The following NACA variants were observed in gnomAD, a reference collection of about 807,000 sequenced individuals.
The protein encoded by NACA is nascent polypeptide-associated complex subunit alpha.
NACA carries 42 observed loss-of-function variants against 86.4 expected under a neutral mutation model. The ratio of observed to expected loss-of-function variants is 0.49; its 90% CI spans 0.38 to 0.63. NACA has a LOEUF of 0.63. Ranked by LOEUF, NACA falls within the 20% of genes least tolerant of loss-of-function variation. The pLI, the probability that NACA is intolerant of heterozygous loss-of-function variation, is 0.00. For missense variants in NACA, 2,157 were observed against 2,483.6 expected (o/e 0.87, Z 2.80); for synonymous variants, 898 against 973.7 (o/e 0.92, Z 1.45).
chr12:56,720,322 G>A lies in NACA; in HGVS notation c.1208C>T (p.Thr403Ile), dbSNP rs1280961384. ...CSPSGSLNVA[T>I]SFSLSPTTSL... Reference sequence around the variant, plus strand: ...GGTTGTAGGAGATAATGAAAAAGAGGTAGCTACATTTAAGGAGCCAGAAGG... The same window carrying A: ...GGTTGTAGGAGATAATGAAAAAGAGATAGCTACATTTAAGGAGCCAGAAGG... The change falls in exon 3 of 9, where the codon ACC becomes ATC. Residue 403 changes from threonine (T) to isoleucine (I), a missense_variant. This residue lies in a region of NACA where 947 missense variants were observed against 917.9 expected (regional missense o/e 1.03). Coordinates refer to ENST00000454682, the MANE Select transcript of NACA (RefSeq NM_001365896.1). 5 of 1,613,744 alleles carry A rather than the reference G, an allele frequency of 3.1e-6. No homozygotes were observed. The highest frequency in any genetic ancestry group is 1.1e-5 in the South Asian group (1 of 91,078).
In NACA at chr12:56,720,706, G is replaced by A; in HGVS notation, c.824C>T (p.Ala275Val). Reference protein sequence around the residue: ...SLKGPVSPPAALSLSTQSLPV... With the variant: ...SLKGPVSPPAVLSLSTQSLPV... The stretch of plus-strand genomic sequence containing the variant: ...AAGAGACTGAGTTGAAAGAGATAAG[G>A]CAGCAGGTGGACTAACAGGCCCCTT... Residue 275 changes from alanine (A) to valine (V), a missense_variant, in exon 3 of 9, where the codon GCC becomes GTC. Ala to Val is a moderately conservative substitution (Grantham distance 64). Around this residue, in one of 8 missense-constraint regions of NACA, gnomAD observed 947 missense variants for 917.9 expected, o/e 1.03. Transcript: ENST00000454682. 6.2e-7 allele frequency: 1 copy of A among 1,613,966 alleles called. No homozygotes were observed. The highest frequency in any genetic ancestry group is 1.1e-5 in the South Asian group (1 of 91,082).
At chr12:56,722,465 G>A (rs3782232) in intron 2 of NACA, among the ~76,000 whole-genome samples, 9,322 of 152,246 alleles carry the variant, frequency 0.061, 340 homozygotes, top group East Asian at 0.12. Context: ...CTGGGAGGGC[G>A]GATCACGAGG....
chr12:56,714,093 T>C (rs1592309444), intron 5 of NACA: 1 of 443,230 alleles, frequency 2.3e-6, no homozygotes, highest in Non-Finnish European at 4.1e-6. Context: ...GTGATCCATC[T>C]GCCTTGGCCT....
rs368371411 is a variant in NACA at position 56,717,189 on chromosome 12, T to C, written c.4341A>G (p.Pro1447=). 1 of 1,287,438 alleles carries C rather than the reference T, an allele frequency of 7.8e-7. No individual in the cohort carries two copies. Among genetic ancestry groups the C allele is most frequent in the Non-Finnish European group, 1.0e-6 (1 of 996,450 alleles). 79.8% of individuals were successfully genotyped at this position (1,287,438 alleles called of 1,614,324 possible). The change falls in exon 3 of 9, where the codon CCA becomes CCG. Residue 1447 remains proline (P), a synonymous_variant. Transcript: ENST00000454682. ...AVTPVSLKKA[P]ATSAPKGGPA... ...GGCCTCCTTTGGGGGCTGAAGTTGC[T>C]GGGGCCTTTTTGAGGGAGACAGGAG...
Position 56,715,940 on chromosome 12 carries a change from T to A in NACA, c.5590A>T (p.Thr1864Ser). 1 of 1,530,628 alleles carries A rather than the reference T, an allele frequency of 6.5e-7. No individual in the cohort carries two copies. Among genetic ancestry groups the A allele is most frequent in the Non-Finnish European group, 8.8e-7 (1 of 1,138,584 alleles). 94.8% of individuals were successfully genotyped at this position (1,530,628 alleles called of 1,614,324 possible). A position where few individuals can be genotyped will look rare whatever the true frequency, so the allele number is the denominator to read the frequency against. The change falls in exon 3 of 9, where the codon ACC becomes TCC. Residue 1864 changes from threonine (T) to serine (S), a missense_variant. Coordinates refer to ENST00000454682, the MANE Select transcript of NACA (RefSeq NM_001365896.1). ...PFQSVLVNMP[T>S]PKSAGIPVPT... ...ACAGGGATTCCAGCAGATTTAGGGG[T>A]GGGCATGTTGACGAGGACCGACTGG...
In NACA at chr12:56,721,631, CCAAA is replaced by C. The variant is rs201268044; in HGVS notation, c.71-176_71-173del. On this transcript the variant is annotated intron_variant, in intron 2 of 8. Coordinates refer to ENST00000454682, the MANE Select transcript of NACA (RefSeq NM_001365896.1). ...AGGTGACAGGCAACAACAACCTTCC[CCAAA>C]CATTTTTCAGTGGTCAAGTGAGAAG... is the stretch of plus-strand genomic sequence containing the variant. Among the ~76,000 whole-genome samples the C allele has an allele frequency of 3.9e-5, 6 of 152,278 alleles. No individual in the cohort carries two copies. In the East Asian group the frequency reaches 7.7e-4, roughly 20 times the overall value.
At chr12:56,722,861 T>C (rs1953610498) in intron 2 of NACA, among the ~76,000 whole-genome samples, 1 of 130,170 alleles carries the variant, frequency 7.7e-6, no homozygotes, top group Non-Finnish European at 1.5e-5. Context: ...GATCAACAAA[T>C]GCTCAATGCT....
Position 56,712,767 on chromosome 12 carries a change from C to T in NACA, c.6222+19G>A, listed in dbSNP as rs1953252524. The stretch of plus-strand genomic sequence containing the variant: ...GGTCAGGGCAGAGGGAGTCAAGGAA[C>T]AAAGGCTTGAACACTTACCATAATC... On this transcript the variant is annotated intron_variant, in intron 8 of 8. Transcript: ENST00000454682. 6.2e-7 allele frequency: 1 copy of T among 1,614,124 alleles called. No homozygotes were observed. Among genetic ancestry groups the T allele is most frequent in the Middle Eastern group, 1.6e-4 (1 of 6,062 alleles).
rs767630213 is a variant in NACA at position 56,717,544 on chromosome 12, G to C, written c.3986C>G (p.Pro1329Arg). ...AGCTGGGGGAGTGGGGGCCCCTTTG[G>C]GGGGTGGGGTACCTGGGCTTCCTTT... ...SPKGSPGTPP[P>R]KGAPTPPAVT... The change falls in exon 3 of 9, where the codon CCC (proline) becomes CGC (arginine). Residue 1329 changes from proline (P) to arginine (R), a missense_variant. Transcript: ENST00000454682. 6.9e-6 allele frequency: 9 copies of C among 1,303,186 alleles called. No homozygotes were observed. The highest frequency in any genetic ancestry group is 3.1e-4 in the Middle Eastern group (1 of 3,244). The allele number at this position is 1,303,186 out of a possible 1,614,324, so 80.7% of individuals were successfully genotyped here. A position where few individuals can be genotyped will look rare whatever the true frequency, so the allele number is the denominator to read the frequency against.
rs975643699 is a variant in NACA, at chr12:56,712,751, A to G, written c.6222+35T>C. The G allele has an allele frequency of 3.1e-6, 5 of 1,614,006 alleles. No homozygotes were observed. In the African/African-American group the frequency reaches 4.0e-5, roughly 13 times the overall value. ...AAAGTCACTCATAATTGGTCAGGGC[A>G]GAGGGAGTCAAGGAACAAAGGCTTG... On this transcript the variant is annotated intron_variant, in intron 8 of 8. Coordinates refer to ENST00000454682, the MANE Select transcript of NACA (RefSeq NM_001365896.1).
rs753514335 is a variant in NACA at position 56,715,956 on chromosome 12, G to C, written c.5574C>G (p.Val1858=). 3 of 1,547,420 alleles carry C rather than the reference G, an allele frequency of 1.9e-6. No individual in the cohort carries two copies. In the Admixed American group the frequency reaches 5.9e-5, roughly 31 times the overall value. The change falls in exon 3 of 9, where the codon GTC becomes GTG. Residue 1858 remains valine (V), a synonymous_variant. Transcript: ENST00000454682. ...ATTTAGGGGTGGGCATGTTGACGAGGACCGACTGGAAAGGCACTCCCCCAG... is the reference window on the plus strand; with the variant it reads ...ATTTAGGGGTGGGCATGTTGACGAGCACCGACTGGAAAGGCACTCCCCCAG... ...PISGGVPFQS[V]LVNMPTPKSA...
chr12:56,714,074 T>C lies in NACA; in HGVS notation c.5823+288A>G, dbSNP rs1350872494. 1.7e-5 allele frequency: 7 copies of C among 417,132 alleles called. No individual in the cohort carries two copies. In the South Asian group the frequency reaches 2.0e-4, roughly 12 times the overall value. The allele number at this position is 417,132 out of a possible 1,614,324, so 25.8% of individuals were successfully genotyped here. On this transcript the variant is annotated intron_variant, in intron 5 of 8. Coordinates refer to ENST00000454682, the MANE Select transcript of NACA (RefSeq NM_001365896.1). ...GTTGGCCAGGCTGGTCTTGAACTCCTGACCTCAAGTGATCCATCTGCCTTG... is the reference window on the plus strand; with the variant it reads ...GTTGGCCAGGCTGGTCTTGAACTCCCGACCTCAAGTGATCCATCTGCCTTG...
intron 8 of NACA, 27 bp from the exon 9 acceptor site, chr12:56,712,579 G>T (rs778643746): frequency 1.9e-6 from 3 of 1,612,586 alleles, no homozygotes; most frequent in Admixed American, 3.4e-5. Flanking sequence ...ATAATTAGCG[G>T]TTCTTATAGG....
chr12:56,714,715 T>A, intron 3 of NACA, 28 bp from the exon 4 acceptor site: 1 of 1,600,412 alleles, frequency 6.2e-7, no homozygotes, highest in Non-Finnish European at 8.6e-7. Flanking sequence ...TTTTACTGCT[T>A]TATAGTAGAA....
chr12:56,723,036 G>T (rs1290096213), intron 2 of NACA, among the ~76,000 whole-genome samples: 2 of 152,164 alleles, frequency 1.3e-5, no homozygotes, highest in Non-Finnish European at 2.9e-5. Context: ...AAAGTCTAAC[G>T]ATTACAGGAA....
At position 56,721,413 on chromosome 12, in the gene NACA, C is replaced by T; in HGVS notation, c.117G>A (p.Gly39=). 1.9e-6 allele frequency: 3 copies of T among 1,543,720 alleles called. No individual in the cohort carries two copies. The highest frequency in any genetic ancestry group is 2.6e-6 in the Non-Finnish European group (3 of 1,151,780). The change falls in exon 3 of 9, where the codon GGG becomes GGA. Residue 39 remains glycine, a synonymous_variant. Transcript: ENST00000454682. The part of the protein sequence containing the change: ...SSALSVTAAL[G]QPGPTLPPPC... Reference sequence around the variant, plus strand: ...GAGGGGGGAGGGTAGGTCCAGGCTGCCCTAAGGCAGCAGTGACACTCAAGG... The same window carrying T: ...GAGGGGGGAGGGTAGGTCCAGGCTGTCCTAAGGCAGCAGTGACACTCAAGG...
Position 56,721,447 on chromosome 12 carries a change from A to G in NACA, c.83T>C (p.Met28Thr), listed in dbSNP as rs1347193518. Residue 28 changes from methionine (M) to threonine (T), a missense_variant, in exon 3 of 9, where the codon ATG becomes ACG. Physicochemically the swap from Met to Thr is moderately conservative, Grantham distance 81. This residue lies in a region of NACA where 947 missense variants were observed against 917.9 expected (regional missense o/e 1.03). Coordinates refer to ENST00000454682, the MANE Select transcript of NACA (RefSeq NM_001365896.1). Reference protein sequence around the residue: ...QPQAETAVLPMSSALSVTAAL... With the variant: ...QPQAETAVLPTSSALSVTAAL... ...AGCAGTGACACTCAAGGCTGAAGAC[A>G]TAGGTAGCACAGCTGGAGAAAGGCA... 1 of 1,505,546 alleles carries G rather than the reference A, an allele frequency of 6.6e-7. No homozygotes were observed. Among genetic ancestry groups the G allele is most frequent in the East Asian group, 2.3e-5 (1 of 43,420 alleles). 93.3% of individuals were successfully genotyped at this position (1,505,546 alleles called of 1,614,324 possible). A position where few individuals can be genotyped will look rare whatever the true frequency, so the allele number is the denominator to read the frequency against.
rs755651838 is a variant in NACA, at chr12:56,716,783, G to T, written c.4747C>A (p.Pro1583Thr). ...TPSSKEASSP[P>T]AVTPSTYKGA... ...TTGTAAGTGGAAGGAGTCACTGCTG[G>T]GGGACTGGAGGCCTCTTTGGAGGAT... Residue 1583 changes from proline to threonine, a missense_variant, in exon 3 of 9, where the codon CCA becomes ACA. Pro to Thr is a conservative substitution (Grantham distance 38). Around this residue, in one of 8 missense-constraint regions of NACA, gnomAD observed 797 missense variants for 777.6 expected, o/e 1.02. Transcript: ENST00000454682. 1.5e-6 allele frequency: 2 copies of T among 1,363,232 alleles called. No homozygotes were observed. The highest frequency in any genetic ancestry group is 2.5e-5 in the Admixed American group (1 of 39,472). 84.4% of individuals were successfully genotyped at this position (1,363,232 alleles called of 1,614,324 possible).
In NACA at chr12:56,720,711, A is replaced by G. The variant is rs751547798; in HGVS notation, c.819T>C (p.Pro273=). ...SLSLKGPVSP[P]AALSLSTQSL... is the part of the protein sequence containing the mutation. ...ACTGAGTTGAAAGAGATAAGGCAGC[A>G]GGTGGACTAACAGGCCCCTTCAGGC... The change falls in exon 3 of 9, where the codon CCT becomes CCC. Residue 273 remains proline, a synonymous_variant. Coordinates refer to ENST00000454682, the MANE Select transcript of NACA (RefSeq NM_001365896.1). 1.2e-5 allele frequency: 19 copies of G among 1,613,864 alleles called. No individual in the cohort carries two copies. Among genetic ancestry groups the G allele is most frequent in the Middle Eastern group, 1.6e-4 (1 of 6,084 alleles).
Sources: gnomAD v4.1 joint callset for allele counts (sites outside exome capture counted in the v4.1 genomes callset) on GRCh38, gnomAD v4.1.1 for gene constraint, gnomAD v4.1.1 regional missense constraint, MANE v1.5 for transcripts, NCBI Gene and HGNC (gene_info 2026-07-23, HGNC 2026-07-21) for gene names.